The following MZT2A variants were observed in gnomAD, a reference collection of about 807,000 sequenced individuals.
The protein encoded by MZT2A is mitotic spindle organizing protein 2A.
MZT2A carries 8 observed loss-of-function variants against 12.4 expected under a neutral mutation model. That is an observed-to-expected ratio of 0.64 (90% CI 0.38 to 1.16). The LOEUF (loss-of-function observed/expected upper bound fraction) is 1.16. Among genes scored for constraint, MZT2A ranks in the 50% most tolerant of loss-of-function variants. The pLI is 0.01. For synonymous variants in MZT2A, 88 were observed against 107.5 expected, an observed-to-expected ratio of 0.82 and a Z score of 1.12; for missense variants, 181 against 223.6, an observed-to-expected ratio of 0.81 and a Z score of 1.22.
chr2:131,472,146 T>C, exon 3 of MZT2A: 1 of 1,289,894 alleles, frequency 7.8e-7, no homozygotes, highest in Non-Finnish European at 1.0e-6. Context: ...TGAAATCTTG[T>C]TGAGGCGCCG....
At chr2:131,483,063 A>G (rs181347623), downstream of MZT2A, 941 of 704,628 alleles carry the variant, frequency 1.3e-3, 13 homozygotes, top group African/African-American at 0.015. Flanking sequence ...AGGACTGTAC[A>G]TAAGCAGCTG....
chr2:131,492,158 G>A, intron 1 of MZT2A, 49 bp downstream of exon 1: 1 of 1,534,274 alleles, frequency 6.5e-7, no homozygotes, highest in Non-Finnish European at 8.8e-7. Flanking sequence ...CCGGAGAGCA[G>A]AGGTCGGGGG....
chr2:131,471,443 CAA>C lies in MZT2A; in HGVS notation c.393+623_393+624del, dbSNP rs544344844. 1.9e-4 allele frequency among the ~76,000 whole-genome samples: 11 copies of C among 59,384 alleles called. 1 individual carries two copies. The highest frequency in any genetic ancestry group is 2.3e-4 in the African/African-American group (3 of 12,970). The allele number at this position is 59,384 out of a possible 152,430, so 39.0% of individuals were successfully genotyped here. ...CTGGTGACAGAGAGAGACTCTGTCT[CAA>C]AAAAAAAAAAAAGAAAAAAAGAAAA... On this transcript the variant is annotated intron_variant and NMD_transcript_variant, in intron 3 of 4. Coordinates refer to the MZT2A transcript ENST00000427024.
At chr2:131,487,532 TAATTA>T (rs1256338112) in intron 2 of MZT2A, among the ~76,000 whole-genome samples, 1 of 152,188 alleles carries the variant, frequency 6.6e-6, no homozygotes, top group Admixed American at 6.5e-5. Context: ...TCAAATACTT[TAATTA>T]ATCTAAAATA....
At chr2:131,488,008 C>A (rs1223873354) in intron 2 of MZT2A, among the ~76,000 whole-genome samples, 1 of 152,162 alleles carries the variant, frequency 6.6e-6, no homozygotes, top group African/African-American at 2.4e-5. Flanking sequence ...CTCAAGAGAT[C>A]CAGCAGCCTC....
intron 2 of MZT2A, among the ~76,000 whole-genome samples, chr2:131,476,888 T>G (rs941134054): frequency 6.7e-6 from 1 of 148,538 alleles, no homozygotes; most frequent in East Asian, 1.9e-4. Context: ...TGAGTCGTGA[T>G]GGCGCCAGTG....
intron 2 of MZT2A, among the ~76,000 whole-genome samples, chr2:131,487,824 T>G (rs1489431917): frequency 6.6e-6 from 1 of 152,214 alleles, no homozygotes; most frequent in Non-Finnish European, 1.5e-5. Flanking sequence ...TGGAGTGCAG[T>G]GGTGCAGTCA....
chr2:131,484,226 G>C lies in MZT2A; in HGVS notation c.320-8C>G, dbSNP rs1678963289. The C allele has an allele frequency of 6.2e-7, 1 of 1,612,876 alleles. No homozygotes were observed. The highest frequency in any genetic ancestry group is 1.3e-5 in the African/African-American group (1 of 75,008). The stretch of plus-strand genomic sequence containing the variant: ...CGCTGCCTTTGTCTCTCCCTAAGGA[G>C]ACACAAAGCACAATGATTAGGAATG... On this transcript the variant is annotated splice_region_variant and splice_polypyrimidine_tract_variant and intron_variant, in intron 2 of 2. Coordinates refer to ENST00000309451, the MANE Select transcript of MZT2A (RefSeq NM_001085365.2).
downstream of MZT2A, among the ~76,000 whole-genome samples, chr2:131,479,777 T>C (rs145160683): frequency 0.01 from 1,528 of 151,950 alleles, 30 homozygotes; most frequent in African/African-American, 0.035. Context: ...AAGGCGGAGG[T>C]TGCAATGAGC....
chr2:131,492,135 G>A (rs1679344548), intron 1 of MZT2A, 72 bp downstream of exon 1: 5 of 1,541,478 alleles, frequency 3.2e-6, no homozygotes, highest in Middle Eastern at 2.3e-4. Flanking sequence ...CCCGACCAGC[G>A]GGCCGGGCGT....
chr2:131,476,315 C>T (rs1275041604), intron 2 of MZT2A: 7 of 1,576,230 alleles, frequency 4.4e-6, no homozygotes, highest in East Asian at 2.3e-5. Context: ...CAGAGAAGGA[C>T]GCAGGGTCTA....
At chr2:131,478,531 A>G in intron 2 of MZT2A, 1 of 1,400,794 alleles carries the variant, frequency 7.1e-7, no homozygotes, top group South Asian at 1.5e-5. Context: ...GAGAAACTGA[A>G]AGGTTCGTGA....
chr2:131,480,823 A>C, downstream of MZT2A: 1 of 1,558,670 alleles, frequency 6.4e-7, no homozygotes. Context: ...GAAGGCCCAC[A>C]TCCTTTGGGG....
intron 2 of MZT2A, among the ~76,000 whole-genome samples, chr2:131,487,512 C>T (rs1235362925): frequency 6.6e-6 from 1 of 152,186 alleles, no homozygotes; most frequent in African/African-American, 2.4e-5. Context: ...AAAGAAAATG[C>T]ACAATTAGCT....
intron 2 of MZT2A, among the ~76,000 whole-genome samples, chr2:131,473,338 A>G (rs1284635676): frequency 6.6e-6 from 1 of 151,422 alleles, no homozygotes; most frequent in Non-Finnish European, 1.5e-5. Context: ...GCATCTTGCT[A>G]AGGGAAGACC....
chr2:131,490,251 G>C, intron 2 of MZT2A: 1 of 902,456 alleles, frequency 1.1e-6, no homozygotes, highest in Non-Finnish European at 1.3e-6. Context: ...TGTGGCCATG[G>C]GACCAGCACA....
chr2:131,483,922 C>T, downstream of MZT2A: 3 of 1,423,468 alleles, frequency 2.1e-6, no homozygotes, highest in Non-Finnish European at 2.7e-6. Context: ...CTAAGTGTGC[C>T]TTAATATAAA....
chr2:131,482,165 G>A (rs1344135302), downstream of MZT2A, among the ~76,000 whole-genome samples: 1 of 152,202 alleles, frequency 6.6e-6, no homozygotes, highest in Non-Finnish European at 1.5e-5. Flanking sequence ...TGATAGCATG[G>A]GGAAGAGTTG....
chr2:131,485,145 T>C, intron 2 of MZT2A, among the ~76,000 whole-genome samples: 1 of 152,146 alleles, frequency 6.6e-6, no homozygotes, highest in Non-Finnish European at 1.5e-5. Flanking sequence ...TCTGGCCTGG[T>C]GGGGTCTGAC....
Sources: allele counts gnomAD v4.1 joint callset (sites outside exome capture counted in the v4.1 genomes callset), GRCh38; gene constraint gnomAD v4.1.1; transcripts MANE v1.5; gene names NCBI Gene and HGNC (gene_info 2026-07-23, HGNC 2026-07-21).